The following ARSK variants were observed in gnomAD, a reference collection of about 807,000 sequenced individuals.
ARSK encodes the protein arylsulfatase family member K, also known as arylsulfatase K.
In ARSK, 37 loss-of-function variants were observed where a neutral mutation model predicts 53.2. That is an observed-to-expected ratio of 0.70 (90% CI 0.54 to 0.92). The LOEUF (loss-of-function observed/expected upper bound fraction) is 0.92. Ranked by LOEUF, ARSK falls within the 40% of genes least tolerant of loss-of-function variation. The pLI, the probability that ARSK is intolerant of heterozygous loss-of-function variation, is 0.00. For synonymous variants in ARSK, 208 were observed against 223.2 expected (o/e 0.93, Z 0.61); for missense variants, 613 against 643.0 (o/e 0.95, Z 0.51).
intron 5 of ARSK, among the ~76,000 whole-genome samples, chr5:95,591,103 T>C (rs543457201): frequency 7.9e-5 from 12 of 152,216 alleles, no homozygotes; most frequent in African/African-American, 2.6e-4. Context: ...AAGGGGAAGA[T>C]TTTTTCCCCT....
chr5:95,574,339 AT>A (rs940743103), intron 3 of ARSK, among the ~76,000 whole-genome samples: 5 of 151,996 alleles, frequency 3.3e-5, no homozygotes, highest in Admixed American at 3.3e-4. Context: ...TGATATACAG[AT>A]TTTCTTTCTT....
chr5:95,574,597 G>A (rs1748890384), intron 3 of ARSK, among the ~76,000 whole-genome samples: 1 of 152,126 alleles, frequency 6.6e-6, no homozygotes, highest in Non-Finnish European at 1.5e-5. Context: ...GATCAATGTT[G>A]CTGAGCATCT....
chr5:95,574,602 G>A (rs1225623089), intron 3 of ARSK, among the ~76,000 whole-genome samples: 1 of 152,076 alleles, frequency 6.6e-6, no homozygotes, highest in Admixed American at 6.5e-5. Flanking sequence ...ATGTTGCTGA[G>A]CATCTTTTCA....
intron 4 of ARSK, among the ~76,000 whole-genome samples, chr5:95,584,419 A>G (rs1324393327): frequency 6.6e-6 from 1 of 152,206 alleles, no homozygotes; most frequent in East Asian, 1.9e-4. Flanking sequence ...TAATTTTGTT[A>G]GGGGACTGGT....
At chr5:95,557,002 T>C (rs1748534340) in intron 1 of ARSK, 2 of 150,154 alleles carry the variant, frequency 1.3e-5, no homozygotes, top group African/African-American at 4.9e-5. Flanking sequence ...GGAGCGAGAG[T>C]CCGTCTCGAA....
chr5:95,601,158 G>GT (rs1371208915), intron 7 of ARSK, 87 bp downstream of exon 7: 1 of 1,235,344 alleles, frequency 8.1e-7, no homozygotes, highest in Non-Finnish European at 1.2e-6. Context: ...AATAATCCTT[G>GT]TTAAATAAAT....
At chr5:95,562,581 C>A (rs534555476) in intron 1 of ARSK, among the ~76,000 whole-genome samples, 1 of 152,136 alleles carries the variant, frequency 6.6e-6, no homozygotes, top group Non-Finnish European at 1.5e-5. Context: ...GATAAGGAAC[C>A]GAGTACAAGC....
chr5:95,555,452 C>G lies in ARSK; in HGVS notation c.126+48C>G, dbSNP rs1031519893. The G allele has an allele frequency of 1.5e-5, 23 of 1,554,146 alleles. No homozygotes were observed. Among genetic ancestry groups the G allele is most frequent in the Middle Eastern group, 2.3e-4 (1 of 4,354 alleles). On this transcript the variant is annotated intron_variant, in intron 1 of 7. Transcript: ENST00000380009. This position sits in a 1 kb window ranked among gnomAD's most constrained non-coding sequence, Gnocchi z 4.0. ...GGGGCGCCCCGCTGGGGATCGGCGA[C>G]CTCACCGCCGCCGCCTGTGCTGCAG...
At chr5:95,598,548 C>T (rs1378341596) in intron 6 of ARSK, among the ~76,000 whole-genome samples, 2 of 152,114 alleles carry the variant, frequency 1.3e-5, no homozygotes, top group African/African-American at 4.8e-5. Context: ...GCCTGGATTC[C>T]TGCAATAGCT....
In ARSK at chr5:95,601,057, T is replaced by C. The variant is rs1749394765; in HGVS notation, c.1307T>C (p.Leu436Ser). ...YIAYSDGASILPQLFDLSSDP... is the reference protein window; with the variant it reads ...YIAYSDGASISPQLFDLSSDP... ...GCCTATTCGGATGGTGCATCAATAT[T>C]GCCTCAACTCTTTGGTAAGTTTGTT... The change falls in exon 7 of 8, where the codon TTG becomes TCG. Residue 436 changes from leucine to serine, a missense_variant. Coordinates refer to ENST00000380009, the MANE Select transcript of ARSK (RefSeq NM_198150.3). 1.2e-6 allele frequency: 2 copies of C among 1,613,134 alleles called. No homozygotes were observed. Among genetic ancestry groups the C allele is most frequent in the Non-Finnish European group, 1.7e-6 (2 of 1,179,202 alleles).
rs1749442175 is a variant in ARSK at position 95,603,402 on chromosome 5, G to A, written c.1487G>A (p.Gly496Glu). Residue 496 changes from glycine (G) to glutamate (E), a missense_variant, in exon 8 of 8, where the codon GGA (glycine) becomes GAA (glutamate). Coordinates refer to ENST00000380009, the MANE Select transcript of ARSK (RefSeq NM_198150.3). ...EQFIKWKQSI[G>E]QNYSNVIANL... ...TTTATCAAGTGGAAACAAAGTATAGGACAGAATTATTCAAACGTTATAGCA... is the reference window on the plus strand; with the variant it reads ...TTTATCAAGTGGAAACAAAGTATAGAACAGAATTATTCAAACGTTATAGCA... The A allele has an allele frequency of 6.2e-7, 1 of 1,613,700 alleles. No homozygotes were observed. Among genetic ancestry groups the A allele is most frequent in the Non-Finnish European group, 8.5e-7 (1 of 1,179,810 alleles).
intron 1 of ARSK, among the ~76,000 whole-genome samples, chr5:95,562,103 C>T (rs922454844): frequency 4.6e-5 from 7 of 151,860 alleles, no homozygotes; most frequent in Non-Finnish European, 8.8e-5. Context: ...CCCAGCTACT[C>T]GGGAGGCTGA....
chr5:95,594,418 T>C (rs1214351075), intron 6 of ARSK, among the ~76,000 whole-genome samples: 1 of 152,184 alleles, frequency 6.6e-6, no homozygotes, highest in Non-Finnish European at 1.5e-5. Context: ...ACAGAAAATA[T>C]ACACAAATGG....
At chr5:95,583,242 G>T in intron 4 of ARSK, 44 bp downstream of exon 4, 1 of 1,410,040 alleles carries the variant, frequency 7.1e-7, no homozygotes. Context: ...ATTTATATAT[G>T]TGGCTTATTG....
intron 5 of ARSK, among the ~76,000 whole-genome samples, chr5:95,588,889 G>A (rs937000184): frequency 2.0e-5 from 3 of 152,144 alleles, no homozygotes; most frequent in Admixed American, 6.5e-5. Context: ...TTGAACCCGG[G>A]AGGCGGAGGT....
At chr5:95,580,992 C>T (rs1580223716) in intron 3 of ARSK, 4 of 1,086,326 alleles carry the variant, frequency 3.7e-6, no homozygotes, top group Non-Finnish European at 4.9e-6. Context: ...GCTGCCTTAA[C>T]AGTGCTTGAA....
intron 6 of ARSK, among the ~76,000 whole-genome samples, chr5:95,595,076 G>A (rs1749282809): frequency 6.6e-6 from 1 of 152,228 alleles, no homozygotes; most frequent in South Asian, 2.1e-4. Flanking sequence ...TGAATATCTA[G>A]TAGTAATGAT....
chr5:95,579,880 T>C (rs1748993275), intron 3 of ARSK, among the ~76,000 whole-genome samples: 2 of 152,288 alleles, frequency 1.3e-5, no homozygotes, highest in African/African-American at 2.4e-5. Context: ...TACCTGAGGA[T>C]AGATTAGAGT....
intron 3 of ARSK, among the ~76,000 whole-genome samples, chr5:95,568,951 G>A (rs891931764): frequency 3.9e-5 from 6 of 152,190 alleles, no homozygotes; most frequent in African/African-American, 1.2e-4. Context: ...CACATGTGTC[G>A]TCGCAATTTG....
Sources: allele counts gnomAD v4.1 joint callset (sites outside exome capture counted in the v4.1 genomes callset), GRCh38; gene constraint gnomAD v4.1.1; non-coding constraint Gnocchi (gnomAD v3.1); transcripts MANE v1.5; gene names NCBI Gene and HGNC (gene_info 2026-07-23, HGNC 2026-07-21).